CMIP: variants seen among roughly 807,000 people sequenced by gnomAD.
CMIP encodes C-Maf-inducing protein.
In CMIP, 13 loss-of-function variants were observed where a neutral mutation model predicts 97.3. That is an observed-to-expected ratio of 0.13 (90% CI 0.09 to 0.21). CMIP has a LOEUF of 0.21. Among genes scored for constraint, CMIP ranks in the 10% least tolerant of loss-of-function variants. The pLI is 1.00. For synonymous variants in CMIP, 538 were observed against 436.3 expected (o/e 1.23, Z -2.91); for missense variants, 847 against 1,024.9 (o/e 0.83, Z 2.37).
At chr16:81,525,729 T>G (rs1210632674) in intron 1 of CMIP, among the ~76,000 whole-genome samples, 1 of 152,244 alleles carries the variant, frequency 6.6e-6, no homozygotes, top group East Asian at 1.9e-4. Context: ...CACTGTCATC[T>G]TCTCAAACTG....
At chr16:81,624,675 C>T (rs931998442) in intron 3 of CMIP, among the ~76,000 whole-genome samples, 1 of 152,264 alleles carries the variant, frequency 6.6e-6, no homozygotes, top group East Asian at 1.9e-4. Flanking sequence ...CTCCAAAGCT[C>T]GACCCTATTC....
intron 18 of CMIP, 94 bp from the exon 19 acceptor site, chr16:81,705,405 C>G (rs1402792903): frequency 3.3e-6 from 3 of 903,530 alleles, no homozygotes; most frequent in South Asian, 1.6e-5. Flanking sequence ...GAGCCAGGCT[C>G]TGTCCCCATC....
chr16:81,447,268 A>C (rs1905915619), intron 1 of CMIP, among the ~76,000 whole-genome samples: 1 of 151,114 alleles, frequency 6.6e-6, no homozygotes, highest in African/African-American at 2.4e-5. Flanking sequence ...ACACTCCACA[A>C]AATGAAGGGT....
At chr16:81,606,262 C>T (rs1420798575) in intron 1 of CMIP, among the ~76,000 whole-genome samples, 2 of 152,194 alleles carry the variant, frequency 1.3e-5, no homozygotes, top group African/African-American at 4.8e-5. Flanking sequence ...CCTCAGCTTC[C>T]TTGTCTATAT....
chr16:81,698,498 G>A (rs142779734), intron 14 of CMIP, among the ~76,000 whole-genome samples: 26 of 152,318 alleles, frequency 1.7e-4, no homozygotes, highest in Admixed American at 1.2e-3. Context: ...ATACATGTGC[G>A]AAGGCTGCCT....
intron 9 of CMIP, among the ~76,000 whole-genome samples, chr16:81,676,343 C>T (rs74031235): frequency 0.016 from 2,382 of 151,760 alleles, 60 homozygotes; most frequent in African/African-American, 0.054. Context: ...AGATAAAGTC[C>T]GTCATGTCCT....
intron 1 of CMIP, chr16:81,476,372 C>G (rs1907918668): frequency 1.6e-6 from 2 of 1,258,128 alleles, no homozygotes; most frequent in South Asian, 2.4e-5. Context: ...AAGCAGGAAC[C>G]CTTATAACCA....
intron 1 of CMIP, among the ~76,000 whole-genome samples, chr16:81,566,667 C>T (rs141646752): frequency 6.6e-6 from 1 of 152,344 alleles, no homozygotes; most frequent in East Asian, 1.9e-4. Context: ...CCCAAGAGAA[C>T]TGAGTGCTTC....
chr16:81,502,547 C>T (rs183386678), intron 1 of CMIP, among the ~76,000 whole-genome samples: 6 of 152,268 alleles, frequency 3.9e-5, no homozygotes, highest in East Asian at 3.9e-4. Context: ...GGGCCTGTCA[C>T]GTGCGCCAGG....
intron 1 of CMIP, among the ~76,000 whole-genome samples, chr16:81,514,752 A>G (rs188075045): frequency 6.6e-6 from 1 of 152,182 alleles, no homozygotes; most frequent in Non-Finnish European, 1.5e-5. Flanking sequence ...TGTAAAGTGG[A>G]GGAAACAGTA....
chr16:81,678,329 C>G lies in CMIP; in HGVS notation c.1089C>G (p.Cys363Trp), dbSNP rs113180631. Reference sequence around the variant, plus strand: ...TCCGGAACGGCTGCCAGCAGCCGTGCGACCGGAAGCCCACTTTACCTCTGC... The same window carrying G: ...TCCGGAACGGCTGCCAGCAGCCGTGGGACCGGAAGCCCACTTTACCTCTGC... ...KEIRNGCQQP[C>W]DRKPTLPLRL... is the part of the protein sequence containing the mutation. Residue 363 changes from cysteine to tryptophan, a missense_variant, in exon 10 of 21, where the codon TGC (cysteine) becomes TGG (tryptophan). Physicochemically the swap from Cys to Trp is radical, Grantham distance 215. Around this residue, in one of 4 missense-constraint regions of CMIP, gnomAD observed 202 missense variants for 168.7 expected, o/e 1.20. Coordinates refer to ENST00000537098, the MANE Select transcript of CMIP (RefSeq NM_198390.3). The G allele has an allele frequency of 1.2e-6, 2 of 1,610,278 alleles. No homozygotes were observed. The highest frequency in any genetic ancestry group is 1.1e-5 in the South Asian group (1 of 90,952).
chr16:81,540,844 C>A (rs974867179), intron 1 of CMIP, among the ~76,000 whole-genome samples: 1 of 152,038 alleles, frequency 6.6e-6, no homozygotes, highest in Non-Finnish European at 1.5e-5. Flanking sequence ...CCACGCCTGG[C>A]TAATTTTTTG....
rs1013133198 is a variant in CMIP at position 81,536,444 on chromosome 16, T to C, written c.301-71123T>C. 3.3e-5 allele frequency among the ~76,000 whole-genome samples: 5 copies of C among 152,202 alleles called. No homozygotes were observed. In the East Asian group the frequency reaches 9.6e-4, roughly 29 times the overall value. On this transcript the variant is annotated intron_variant, in intron 1 of 20. Transcript: ENST00000537098. ...TGATCGTCAGGATAAGAATATTCTC[T>C]TATAGTTCATCTTTTTAAAAAAATG...
intron 1 of CMIP, among the ~76,000 whole-genome samples, chr16:81,477,172 T>G (rs1403062741): frequency 6.6e-6 from 1 of 152,126 alleles, no homozygotes; most frequent in Non-Finnish European, 1.5e-5. Flanking sequence ...CTCTTTTTTT[T>G]TGAAATGGAA....
chr16:81,560,890 A>T (rs771391315), intron 1 of CMIP, among the ~76,000 whole-genome samples: 1 of 152,188 alleles, frequency 6.6e-6, no homozygotes, highest in Non-Finnish European at 1.5e-5. Flanking sequence ...ACACTCTATG[A>T]TGTTCACACA....
intron 1 of CMIP, among the ~76,000 whole-genome samples, chr16:81,526,673 C>T (rs1352136574): frequency 6.6e-6 from 1 of 152,160 alleles, no homozygotes; most frequent in Admixed American, 6.5e-5. Context: ...AGAAGGGGCC[C>T]AGAGGCTTCA....
At chr16:81,454,512 C>G (rs1005609418) in intron 1 of CMIP, among the ~76,000 whole-genome samples, 5 of 152,148 alleles carry the variant, frequency 3.3e-5, no homozygotes, top group African/African-American at 9.7e-5. Flanking sequence ...GTGATTTTGT[C>G]AAAAAAGTTA....
chr16:81,563,362 G>C (rs1206817725), intron 1 of CMIP, among the ~76,000 whole-genome samples: 1 of 152,210 alleles, frequency 6.6e-6, no homozygotes, highest in Non-Finnish European at 1.5e-5. Flanking sequence ...GTGGACTCCA[G>C]GCAAGTCACA....
At chr16:81,577,000 C>G (rs1268762816) in intron 1 of CMIP, among the ~76,000 whole-genome samples, 1 of 148,098 alleles carries the variant, frequency 6.8e-6, no homozygotes, top group Non-Finnish European at 1.5e-5. Flanking sequence ...CCAACATCCC[C>G]ATTACCACTA....
Sources: gnomAD v4.1 joint callset for allele counts (sites outside exome capture counted in the v4.1 genomes callset) on GRCh38, gnomAD v4.1.1 for gene constraint, gnomAD v4.1.1 regional missense constraint, MANE v1.5 for transcripts, NCBI Gene and HGNC (gene_info 2026-07-23, HGNC 2026-07-21) for gene names.